Variants in CCDC91 observed in about 807,000 individuals in gnomAD.
CCDC91 encodes coiled-coil domain-containing protein 91.
Under a neutral mutation model 63.2 loss-of-function variants are expected in CCDC91, and 48 were observed. The observed-to-expected ratio is 0.76, with a 90% CI of 0.60 to 0.97. The LOEUF (loss-of-function observed/expected upper bound fraction) is 0.97. Ranked by LOEUF, CCDC91 falls within the 50% of genes least tolerant of loss-of-function variation. The pLI is 0.00. For synonymous variants in CCDC91, 167 were observed against 165.8 expected (o/e 1.01, Z -0.06); for missense variants, 500 against 494.6 (o/e 1.01, Z -0.10).
Position 28,306,760 on chromosome 12 carries a change from A to T in CCDC91, c.286A>T (p.Thr96Ser). Residue 96 changes from threonine (T) to serine (S), a missense_variant, in exon 5 of 13, where the codon ACT (threonine) becomes TCT (serine). Physicochemically the swap from Thr to Ser is moderately conservative, Grantham distance 58. Coordinates refer to ENST00000536442, the MANE Select transcript of CCDC91 (RefSeq NM_018318.5). ...GGTTTAGATTCAGCAATCAACACAC[A>T]CTCATCTGGATATCTCACTTTTTCC... ...PKAQIQQSTH[T>S]HLDISLFPLG... 6.2e-7 allele frequency: 1 copy of T among 1,610,184 alleles called. No individual in the cohort carries two copies.
chr12:28,242,433 A>C (rs1945408155), intron 1 of CCDC91, among the ~76,000 whole-genome samples: 1 of 152,198 alleles, frequency 6.6e-6, no homozygotes, highest in Non-Finnish European at 1.5e-5. Flanking sequence ...TGAGACACAG[A>C]GGAGGCAGCA....
chr12:28,194,598 T>C (rs1339189124), intron 1 of CCDC91, among the ~76,000 whole-genome samples: 2 of 151,818 alleles, frequency 1.3e-5, no homozygotes, highest in East Asian at 3.9e-4. Context: ...GGTGGGTTTG[T>C]GGCCTTGCTG....
At chr12:28,297,568 T>A (rs1949630567) in intron 3 of CCDC91, among the ~76,000 whole-genome samples, 1 of 151,882 alleles carries the variant, frequency 6.6e-6, no homozygotes, top group Non-Finnish European at 1.5e-5. Context: ...GCAAATTGTA[T>A]CTATACTCTG....
chr12:28,228,362 T>C (rs541659195), intron 1 of CCDC91, among the ~76,000 whole-genome samples: 1 of 152,270 alleles, frequency 6.6e-6, no homozygotes, highest in East Asian at 1.9e-4. Context: ...GTACTATATA[T>C]ACGTTTGCAA....
intron 6 of CCDC91, among the ~76,000 whole-genome samples, chr12:28,328,492 A>G (rs1174384094): frequency 1.3e-5 from 2 of 152,202 alleles, no homozygotes; most frequent in African/African-American, 4.8e-5. Context: ...TTATTTTCAG[A>G]TTGCCAATTT....
At chr12:28,374,672 T>G (rs1361912619) in intron 7 of CCDC91, among the ~76,000 whole-genome samples, 5 of 152,144 alleles carry the variant, frequency 3.3e-5, no homozygotes, top group South Asian at 4.1e-4. Flanking sequence ...AAAATAACAG[T>G]AAGTTATGAT....
chr12:28,366,659 T>G (rs1178364430), intron 7 of CCDC91, among the ~76,000 whole-genome samples: 2 of 152,160 alleles, frequency 1.3e-5, no homozygotes, highest in East Asian at 3.9e-4. Flanking sequence ...ACTAGACTTC[T>G]GCCCTAAGCT....
At chr12:28,198,804 AT>A (rs976238391) in intron 1 of CCDC91, 7 of 139,992 alleles carry the variant, frequency 5.0e-5, no homozygotes, top group African/African-American at 1.8e-4. Context: ...TCATTTTGCT[AT>A]TTTTTCTGTA....
intron 7 of CCDC91, among the ~76,000 whole-genome samples, chr12:28,369,886 G>C (rs1210038795): frequency 6.6e-6 from 1 of 152,198 alleles, no homozygotes; most frequent in Non-Finnish European, 1.5e-5. Flanking sequence ...GCTAGAGCTG[G>C]AGTAGCTGGG....
Position 28,484,114 on chromosome 12 carries a change from A to T in CCDC91, c.1164A>T (p.Ala388=). 6.2e-7 allele frequency: 1 copy of T among 1,611,738 alleles called. No individual in the cohort carries two copies. The highest frequency in any genetic ancestry group is 2.2e-5 in the East Asian group (1 of 44,706). ...GAAGTGAAAAGGCTGTGGAAGAGGC[A>T]GTGAAAAGAACAAGAGATGAATTGA... The part of the protein sequence containing the change: ...QKRSEKAVEE[A]VKRTRDELIE... Residue 388 remains alanine (A), a synonymous_variant, in exon 12 of 13, where the codon GCA becomes GCT. Coordinates refer to ENST00000536442, the MANE Select transcript of CCDC91 (RefSeq NM_018318.5).
intron 6 of CCDC91, among the ~76,000 whole-genome samples, chr12:28,342,332 T>G (rs1315480466): frequency 6.6e-6 from 1 of 152,104 alleles, no homozygotes; most frequent in South Asian, 2.1e-4. Flanking sequence ...AATAAATGTG[T>G]GTTGTTTTAA....
At chr12:28,299,674 T>C (rs1243578952) in intron 3 of CCDC91, among the ~76,000 whole-genome samples, 2 of 151,698 alleles carry the variant, frequency 1.3e-5, no homozygotes, top group Non-Finnish European at 3.0e-5. Context: ...GATCTTCCAC[T>C]ATCAGTCCTG....
intron 8 of CCDC91, among the ~76,000 whole-genome samples, chr12:28,419,615 T>G (rs979892333): frequency 1.2e-4 from 18 of 152,186 alleles, no homozygotes; most frequent in Non-Finnish European, 2.5e-4. Context: ...TTTACTGATA[T>G]TGGTCAATCA....
intron 3 of CCDC91, among the ~76,000 whole-genome samples, chr12:28,298,753 C>T (rs867817473): frequency 6.9e-6 from 1 of 145,818 alleles, no homozygotes; most frequent in Non-Finnish European, 1.5e-5. Flanking sequence ...ACAACAACAA[C>T]AAAAAATTGT....
chr12:28,421,134 A>G (rs1046437574), intron 8 of CCDC91, among the ~76,000 whole-genome samples: 1 of 152,144 alleles, frequency 6.6e-6, no homozygotes, highest in Non-Finnish European at 1.5e-5. Flanking sequence ...AATTCTTTGT[A>G]TACCAATTTA....
chr12:28,239,316 G>T (rs1422656873), intron 1 of CCDC91, among the ~76,000 whole-genome samples: 1 of 151,934 alleles, frequency 6.6e-6, no homozygotes, highest in African/African-American at 2.4e-5. Context: ...GTTGGAGAGG[G>T]TATTTGAGGT....
At chr12:28,253,722 A>G (rs762989249) in intron 1 of CCDC91, among the ~76,000 whole-genome samples, 8 of 152,196 alleles carry the variant, frequency 5.3e-5, no homozygotes, top group Admixed American at 1.3e-4. Context: ...AAATCTTTGT[A>G]TTCTTACAGG....
intron 8 of CCDC91, among the ~76,000 whole-genome samples, chr12:28,420,418 A>G (rs1045531508): frequency 2.0e-5 from 3 of 152,100 alleles, no homozygotes; most frequent in African/African-American, 2.4e-5. Context: ...TATTTAAAAT[A>G]TTTTTGTGTT....
intron 7 of CCDC91, among the ~76,000 whole-genome samples, chr12:28,363,407 A>G (rs1237604239): frequency 6.6e-6 from 1 of 152,128 alleles, no homozygotes; most frequent in Non-Finnish European, 1.5e-5. Flanking sequence ...ATATACCATA[A>G]TTTGTTTAAC....
Sources: allele counts gnomAD v4.1 joint callset (sites outside exome capture counted in the v4.1 genomes callset), GRCh38; gene constraint gnomAD v4.1.1; transcripts MANE v1.5; gene names NCBI Gene and HGNC (gene_info 2026-07-23, HGNC 2026-07-21).